The following PTTG1IP variants were observed in gnomAD, a reference collection of about 807,000 sequenced individuals.
PTTG1IP encodes the protein PTTG1 interacting protein.
Under a neutral mutation model 24.4 loss-of-function variants are expected in PTTG1IP, and 16 were observed. That is an observed-to-expected ratio of 0.66 (90% CI 0.44 to 1.00). PTTG1IP has a LOEUF of 1.00. Among genes scored for constraint, PTTG1IP ranks in the 50% least tolerant of loss-of-function variants. The pLI, the probability that PTTG1IP is intolerant of heterozygous loss-of-function variation, is 0.00. For missense variants in PTTG1IP, 241 were observed against 245.8 expected, an observed-to-expected ratio of 0.98 and a Z score of 0.13; for synonymous variants, 89 against 96.8, an observed-to-expected ratio of 0.92 and a Z score of 0.47.
chr21:44,855,329 G>C lies in PTTG1IP; in HGVS notation c.450-73C>G. 3.4e-6 allele frequency: 5 copies of C among 1,471,410 alleles called. No homozygotes were observed. In the South Asian group the frequency reaches 5.7e-5, roughly 17 times the overall value. 91.1% of individuals were successfully genotyped at this position (1,471,410 alleles called of 1,614,324 possible). ...GTGTAACTGCTAGACACGCCCTTCC[G>C]TGTCCCTCAGTGGGGGCGCCAGGTT... On this transcript the variant is annotated intron_variant, in intron 4 of 5. Transcript: ENST00000330938.
chr21:44,867,906 T>G (rs894515409), intron 1 of PTTG1IP, among the ~76,000 whole-genome samples: 1 of 152,186 alleles, frequency 6.6e-6, no homozygotes, highest in Admixed American at 6.5e-5. Context: ...ATCCTTCTAT[T>G]TAACAGTGTA....
At chr21:44,861,691 T>C (rs1417857530) in intron 2 of PTTG1IP, 3 of 715,424 alleles carry the variant, frequency 4.2e-6, no homozygotes, top group Non-Finnish European at 7.8e-6. Flanking sequence ...ATCAACAGAC[T>C]GGACACAACC....
chr21:44,873,137 G>A (rs1256599950), intron 1 of PTTG1IP: 2 of 155,326 alleles, frequency 1.3e-5, no homozygotes, highest in Non-Finnish European at 1.4e-5. Context: ...GCTCGGGATC[G>A]AACCCGAGGA....
intron 5 of PTTG1IP, among the ~76,000 whole-genome samples, chr21:44,854,944 A>T (rs149741168): frequency 6.6e-6 from 1 of 152,258 alleles, no homozygotes; most frequent in Non-Finnish European, 1.5e-5. Context: ...CTTCCAGCCC[A>T]GAAGTCTTGG....
chr21:44,859,969 A>G (rs919982431), intron 3 of PTTG1IP, among the ~76,000 whole-genome samples: 1 of 152,264 alleles, frequency 6.6e-6, no homozygotes, highest in East Asian at 1.9e-4. Flanking sequence ...TACAAAGTTT[A>G]GGAACCCTAT....
chr21:44,866,837 T>C (rs970214644), intron 1 of PTTG1IP, among the ~76,000 whole-genome samples: 5 of 152,222 alleles, frequency 3.3e-5, no homozygotes, highest in East Asian at 1.9e-4. Flanking sequence ...CAATACCAAA[T>C]GTTGGCAAGG....
chr21:44,859,657 T>C (rs2083475762), intron 3 of PTTG1IP, among the ~76,000 whole-genome samples: 1 of 152,100 alleles, frequency 6.6e-6, no homozygotes, highest in Non-Finnish European at 1.5e-5. Context: ...AGAAGTTCCA[T>C]GGAAGGGATG....
chr21:44,867,666 G>A (rs760955129), intron 1 of PTTG1IP, among the ~76,000 whole-genome samples: 3 of 152,246 alleles, frequency 2.0e-5, no homozygotes, highest in Non-Finnish European at 4.4e-5. Context: ...TGACATTCAC[G>A]CAGGCGTGGA....
chr21:44,855,002 G>A (rs1021404323), intron 5 of PTTG1IP, among the ~76,000 whole-genome samples: 3 of 152,158 alleles, frequency 2.0e-5, no homozygotes, highest in South Asian at 2.1e-4. Flanking sequence ...TCATGAAGAC[G>A]ACTGGCTGAG....
intron 4 of PTTG1IP, among the ~76,000 whole-genome samples, 192 bp downstream of exon 4, chr21:44,856,001 C>T (rs932446669): frequency 6.6e-6 from 1 of 152,208 alleles, no homozygotes; most frequent in Non-Finnish European, 1.5e-5. Context: ...AAGCAAGGTT[C>T]GCAGCCACTG....
chr21:44,870,167 T>C (rs2083572778), intron 1 of PTTG1IP, among the ~76,000 whole-genome samples: 1 of 152,202 alleles, frequency 6.6e-6, no homozygotes. Context: ...CACCAATGTT[T>C]ACAGTCCTCA....
intron 2 of PTTG1IP, among the ~76,000 whole-genome samples, chr21:44,861,482 G>A (rs1427728310): frequency 6.6e-5 from 10 of 152,140 alleles, no homozygotes; most frequent in Non-Finnish European, 1.2e-4. Context: ...AGCTCTCCAC[G>A]GACTCATCCA....
Position 44,851,269 on chromosome 21 carries a change from T to C in PTTG1IP, c.*312A>G, listed in dbSNP as rs2083408228. The C allele has an allele frequency of 7.4e-7, 1 of 1,353,284 alleles. No homozygotes were observed. Among genetic ancestry groups the C allele is most frequent in the Admixed American group, 2.6e-5 (1 of 38,894 alleles). 83.8% of individuals were successfully genotyped at this position (1,353,284 alleles called of 1,614,324 possible). A position where few individuals can be genotyped will look rare whatever the true frequency, so the allele number is the denominator to read the frequency against. ...GGAGAATGACAGCCACAGCGCTGGG[T>C]GCCGTCAGGCGGCTTCGTGTGCAGT... On this transcript the variant is annotated 3_prime_UTR_variant, in exon 6 of 6. Transcript: ENST00000330938.
intron 3 of PTTG1IP, among the ~76,000 whole-genome samples, chr21:44,860,005 A>T (rs1161672921): frequency 2.0e-5 from 3 of 152,228 alleles, no homozygotes; most frequent in Non-Finnish European, 2.9e-5. Flanking sequence ...CTGAAGCCTA[A>T]AAGATTAATA....
At chr21:44,852,730 G>C (rs768054545) in intron 5 of PTTG1IP, among the ~76,000 whole-genome samples, 3 of 152,116 alleles carry the variant, frequency 2.0e-5, no homozygotes, top group Admixed American at 6.5e-5. Context: ...GGCTGGTTAA[G>C]TTCTTATTGA....
At chr21:44,871,280 T>C (rs990032529) in intron 1 of PTTG1IP, among the ~76,000 whole-genome samples, 2 of 152,204 alleles carry the variant, frequency 1.3e-5, no homozygotes, top group African/African-American at 2.4e-5. Flanking sequence ...GAGTCCCCAC[T>C]GTAAGGAGCA....
Position 44,873,572 on chromosome 21 carries a change from CA to C in PTTG1IP, c.44del (p.Leu15CysfsTer38). On this transcript the variant is annotated frameshift_variant, in exon 1 of 6. Transcript: ENST00000330938. LOFTEE classifies it high-confidence loss of function. Reference protein sequence around the residue: ...VARGPTPYWRLRLGGAALLLL... With the variant: ...VARGPTPYWRXRLGGAALLLL... ...GGAGCAGCGCGGCGCCACCGAGGCG[CA>C]ACCTCCAGTACGGCGTCGGCCCGCG... 1 of 1,472,282 alleles carries C rather than the reference CA, an allele frequency of 6.8e-7. No homozygotes were observed. The highest frequency in any genetic ancestry group is 2.4e-5 in the Admixed American group (1 of 41,664). The allele number at this position is 1,472,282 out of a possible 1,614,324, so 91.2% of individuals were successfully genotyped here. A position where few individuals can be genotyped will look rare whatever the true frequency, so the allele number is the denominator to read the frequency against.
At chr21:44,858,134 G>C (rs760415871) in intron 3 of PTTG1IP, among the ~76,000 whole-genome samples, 4 of 152,248 alleles carry the variant, frequency 2.6e-5, no homozygotes, top group Non-Finnish European at 5.9e-5. Context: ...GGATGTGGGA[G>C]AGGCCTGAAA....
intron 3 of PTTG1IP, among the ~76,000 whole-genome samples, chr21:44,860,369 A>ATAAC (rs1369211109): frequency 1.2e-4 from 18 of 152,164 alleles, no homozygotes; most frequent in African/African-American, 4.3e-4. Context: ...AAATAAATAA[A>ATAAC]TAAAGGCAAA....
Sources: gnomAD v4.1 joint callset for allele counts (sites outside exome capture counted in the v4.1 genomes callset) on GRCh38, gnomAD v4.1.1 for gene constraint, MANE v1.5 for transcripts, NCBI Gene and HGNC (gene_info 2026-07-23, HGNC 2026-07-21) for gene names.